Variants in CTSO observed in about 807,000 individuals in gnomAD.
CTSO encodes cathepsin O.
In CTSO, 40 loss-of-function variants were observed where a neutral mutation model predicts 42.4. The observed-to-expected ratio is 0.94, with a 90% CI of 0.73 to 1.23. The LOEUF (loss-of-function observed/expected upper bound fraction) is 1.23, where lower values mean the gene tolerates loss of function less well. CTSO is among the 50% of genes most tolerant of loss of function. The pLI is 0.00. For synonymous variants in CTSO, 156 were observed against 146.2 expected (o/e 1.07, Z -0.48); for missense variants, 441 against 396.0 (o/e 1.11, Z -0.96).
At chr4:155,946,700 T>G (rs1743553550) in intron 1 of CTSO, among the ~76,000 whole-genome samples, 1 of 152,204 alleles carries the variant, frequency 6.6e-6, no homozygotes, top group South Asian at 2.1e-4. Context: ...TTTATACAAA[T>G]TGTTGACTTC....
At chr4:155,927,613 C>CA (rs904238189) in intron 7 of CTSO, among the ~76,000 whole-genome samples, 2 of 151,876 alleles carry the variant, frequency 1.3e-5, no homozygotes, top group Non-Finnish European at 2.9e-5. Flanking sequence ...ACTAAAAATA[C>CA]AAAAACAAAA....
chr4:155,943,016 G>A (rs112130379), intron 2 of CTSO, 140 bp downstream of exon 2: 14 of 603,008 alleles, frequency 2.3e-5, no homozygotes, highest in Non-Finnish European at 3.9e-5. Flanking sequence ...TGAGCACATG[G>A]TACATGCCTG....
chr4:155,927,559 G>A (rs1294251108), intron 7 of CTSO, among the ~76,000 whole-genome samples: 1 of 152,170 alleles, frequency 6.6e-6, no homozygotes, highest in Non-Finnish European at 1.5e-5. Flanking sequence ...CACGAGGTCA[G>A]GAGATTGAGA....
intron 5 of CTSO, among the ~76,000 whole-genome samples, chr4:155,936,403 A>C (rs1466453380): frequency 6.6e-6 from 1 of 152,208 alleles, no homozygotes; most frequent in Non-Finnish European, 1.5e-5. Context: ...CCATGGGTAG[A>C]TACCATCTGG....
At chr4:155,936,288 C>A (rs1247330059) in intron 5 of CTSO, among the ~76,000 whole-genome samples, 1 of 152,054 alleles carries the variant, frequency 6.6e-6, no homozygotes, top group African/African-American at 2.4e-5. Context: ...TTGTTGCAGA[C>A]CGGAGCTGTG....
intron 1 of CTSO, 78 bp from the exon 2 acceptor site, chr4:155,943,342 A>C: frequency 3.8e-6 from 3 of 779,834 alleles, no homozygotes; most frequent in Non-Finnish European, 4.2e-6. Flanking sequence ...AACTTGGAGA[A>C]ATTTTTCAAT....
chr4:155,949,577 C>G (rs1443752547), intron 1 of CTSO, among the ~76,000 whole-genome samples: 4 of 152,346 alleles, frequency 2.6e-5, no homozygotes, highest in Admixed American at 6.5e-5. Flanking sequence ...AGTTCCATTA[C>G]TCAGACTTTT....
chr4:155,942,861 T>C (rs1743466379), intron 2 of CTSO, among the ~76,000 whole-genome samples: 1 of 151,746 alleles, frequency 6.6e-6, no homozygotes. Context: ...TGGAACCATG[T>C]GTGTCCTGAA....
In CTSO at chr4:155,953,705, C is replaced by G. The variant is rs1743720092; in HGVS notation, c.135+8G>C. The G allele has an allele frequency of 1.6e-6, 2 of 1,263,322 alleles. No homozygotes were observed. The highest frequency in any genetic ancestry group is 4.2e-5 in the Admixed American group (1 of 23,824). 78.3% of individuals were successfully genotyped at this position (1,263,322 alleles called of 1,614,324 possible). ...GGGACAGATCCCGGGGAGGCGCGCG[C>G]TCGGTACCCGGAAGGCGGCGGCTTC... On this transcript the variant is annotated splice_region_variant and intron_variant, in intron 1 of 7. Transcript: ENST00000433477.
chr4:155,943,124 G>T, intron 2 of CTSO, 32 bp downstream of exon 2: 1 of 1,295,654 alleles, frequency 7.7e-7, no homozygotes, highest in Non-Finnish European at 1.1e-6. Context: ...TTAAAATCAG[G>T]AAACCACCTA....
chr4:155,947,689 C>G (rs931233831), intron 1 of CTSO, among the ~76,000 whole-genome samples: 1 of 152,128 alleles, frequency 6.6e-6, no homozygotes, highest in Non-Finnish European at 1.5e-5. Context: ...TCCGGTCTCT[C>G]TTGATTCTGG....
intron 5 of CTSO, among the ~76,000 whole-genome samples, chr4:155,933,801 G>A (rs910196428): frequency 6.6e-6 from 1 of 152,186 alleles, no homozygotes; most frequent in Non-Finnish European, 1.5e-5. Context: ...TAGGGTATCT[G>A]GCGGAAGAAA....
chr4:155,936,944 G>T (rs932503946), intron 5 of CTSO, among the ~76,000 whole-genome samples: 5 of 152,138 alleles, frequency 3.3e-5, no homozygotes, highest in African/African-American at 1.2e-4. Flanking sequence ...GATATTAGCT[G>T]CACAGTCTGT....
intron 5 of CTSO, among the ~76,000 whole-genome samples, chr4:155,931,427 A>T (rs2110908289): frequency 6.6e-6 from 1 of 152,304 alleles, no homozygotes; most frequent in Non-Finnish European, 1.5e-5. Flanking sequence ...TTGCAGAATC[A>T]AAGAAACAAT....
intron 5 of CTSO, among the ~76,000 whole-genome samples, chr4:155,931,018 C>T (rs1743225638): frequency 6.6e-6 from 1 of 152,098 alleles, no homozygotes; most frequent in Non-Finnish European, 1.5e-5. Context: ...GCCATTCAAC[C>T]TACCATGCAG....
At chr4:155,927,018 C>T (rs1241028276) in intron 7 of CTSO, among the ~76,000 whole-genome samples, 1 of 152,106 alleles carries the variant, frequency 6.6e-6, no homozygotes, top group East Asian at 1.9e-4. Flanking sequence ...CAAAGATGTA[C>T]GAGTCCCCAG....
At chr4:155,947,582 A>G (rs1050672146) in intron 1 of CTSO, among the ~76,000 whole-genome samples, 17 of 152,344 alleles carry the variant, frequency 1.1e-4, no homozygotes, top group South Asian at 2.1e-4. Flanking sequence ...TGTTTGCTAT[A>G]CACTTATCAA....
intron 5 of CTSO, 55 bp from the exon 6 acceptor site, chr4:155,929,760 CAATGATCTATAT>C (rs1225381080): frequency 6.6e-7 from 1 of 1,508,290 alleles, no homozygotes; most frequent in Non-Finnish European, 9.0e-7. Context: ...GTAAAAATAA[CAATGATCTATAT>C]AATCTGTGTA....
At chr4:155,927,593 C>A (rs1743151690) in intron 7 of CTSO, among the ~76,000 whole-genome samples, 1 of 152,056 alleles carries the variant, frequency 6.6e-6, no homozygotes, top group Non-Finnish European at 1.5e-5. Context: ...CACGGTGAAA[C>A]CTCGTCTCTA....
Sources: allele counts gnomAD v4.1 joint callset (sites outside exome capture counted in the v4.1 genomes callset), GRCh38; gene constraint gnomAD v4.1.1; transcripts MANE v1.5; gene names NCBI Gene and HGNC (gene_info 2026-07-23, HGNC 2026-07-21).